Variants in MYH7 observed in about 807,000 individuals in gnomAD.
MYH7 encodes the protein myosin heavy chain 7.
In MYH7, 129 loss-of-function variants were observed where a neutral mutation model predicts 225.4. That is an observed-to-expected ratio of 0.57 (90% confidence interval 0.50 to 0.66). The LOEUF (loss-of-function observed/expected upper bound fraction) is 0.66. Among genes scored for constraint, MYH7 ranks in the 30% least tolerant of loss-of-function variants. The pLI is 0.00. For missense variants in MYH7, 1,649 were observed against 2,517.0 expected, an observed-to-expected ratio of 0.66 and a Z score of 7.38; for synonymous variants, 971 against 1,007.6, an observed-to-expected ratio of 0.96 and a Z score of 0.69.
Position 23,425,189 on chromosome 14 carries a change from G to A in MYH7, c.2423+93C>T. On this transcript the variant is annotated intron_variant, in intron 21 of 39. Transcript: ENST00000355349. This position sits in a 1 kb window ranked among gnomAD's most constrained non-coding sequence, Gnocchi z 4.6. ...ATGAGCCCCTCCTGCAGGTCTCTGTGTTTGAAGATCTGCTGAGCTTTTTTT... is the reference window on the plus strand; with the variant it reads ...ATGAGCCCCTCCTGCAGGTCTCTGTATTTGAAGATCTGCTGAGCTTTTTTT... The A allele has an allele frequency of 6.2e-7, 1 of 1,607,134 alleles. No homozygotes were observed. The highest frequency in any genetic ancestry group is 8.5e-7 in the Non-Finnish European group (1 of 1,174,650).
intron 9 of MYH7, 21 bp from the exon 10 acceptor site, chr14:23,431,020 G>C: frequency 6.4e-7 from 1 of 1,559,994 alleles, no homozygotes; most frequent in Non-Finnish European, 8.8e-7. Context: ...GTGGGGAGAA[G>C]AAGGAGAGAA....
At chr14:23,428,041 G>A (rs529018543) in intron 15 of MYH7, 147 bp from the exon 16 acceptor site, 23 of 1,057,984 alleles carry the variant, frequency 2.2e-5, no homozygotes, top group Non-Finnish European at 3.0e-5. Flanking sequence ...TCTACTGACT[G>A]GAACCGGTTC....
chr14:23,426,953 G>C, intron 17 of MYH7, 89 bp from the exon 18 acceptor site: 71 of 1,161,688 alleles, frequency 6.1e-5, no homozygotes, highest in Non-Finnish European at 8.0e-5. Context: ...GGAAAAGAGA[G>C]ATGGAGAGAA....
At chr14:23,416,615 T>G (rs1892223468) in intron 33 of MYH7, among the ~76,000 whole-genome samples, 1 of 151,438 alleles carries the variant, frequency 6.6e-6, no homozygotes, top group Non-Finnish European at 1.5e-5. Context: ...GAGGCAGAGG[T>G]GGGAACCGGG....
chr14:23,421,102 G>A lies in MYH7; in HGVS notation c.3246-54C>T. 4 of 1,312,298 alleles carry A rather than the reference G, an allele frequency of 3.0e-6. No homozygotes were observed. The East Asian group carries it at 9.2e-5, about 30-fold the overall frequency. The allele number at this position is 1,312,298 out of a possible 1,614,324, so 81.3% of individuals were successfully genotyped here. The stretch of plus-strand genomic sequence containing the variant: ...GGGAGACTCGTGGGGCCTCAGGAGG[G>A]TCCACCAGTGGTTGAAAATGGTAAT... On this transcript the variant is annotated intron_variant, in intron 25 of 39. Coordinates refer to ENST00000355349, the MANE Select transcript of MYH7 (RefSeq NM_000257.4).
intron 33 of MYH7, 78 bp from the exon 34 acceptor site, chr14:23,416,390 G>C (rs1425320366): frequency 6.8e-7 from 1 of 1,477,254 alleles, no homozygotes; most frequent in Non-Finnish European, 9.2e-7. Context: ...CACTAATCAT[G>C]GATACGAAGT....
In MYH7 at chr14:23,423,482, CACACAG is replaced by C. The variant is rs769300611; in HGVS notation, c.3099+59_3099+64del. The C allele has an allele frequency of 3.7e-5, 55 of 1,479,122 alleles. No individual in the cohort carries two copies. The Middle Eastern group carries it at 5.2e-4, about 14-fold the overall frequency. 91.6% of individuals were successfully genotyped at this position (1,479,122 alleles called of 1,614,324 possible). A position where few individuals can be genotyped will look rare whatever the true frequency, so the allele number is the denominator to read the frequency against. On this transcript the variant is annotated intron_variant, in intron 24 of 39. Transcript: ENST00000355349. ...ACACACACACACACACACACACACA[CACACAG>C]AGCTCTGGGCACAGATAGACATGGC...
At chr14:23,427,993 G>C in intron 15 of MYH7, 99 bp from the exon 16 acceptor site, 1 of 1,467,324 alleles carries the variant, frequency 6.8e-7, no homozygotes, top group Non-Finnish European at 9.4e-7. Flanking sequence ...GTGCCATGTT[G>C]GGTGTTAAGG....
At chr14:23,419,413 C>T (rs1372814670) in intron 28 of MYH7, 70 bp downstream of exon 28, 44 of 1,611,606 alleles carry the variant, frequency 2.7e-5, no homozygotes, top group East Asian at 6.7e-5. Context: ...GGCTTGTGCC[C>T]GAGGCTGGAG....
chr14:23,423,522 G>A (rs1455746264), intron 24 of MYH7, 25 bp downstream of exon 24: 2 of 1,595,588 alleles, frequency 1.3e-6, no homozygotes, highest in Non-Finnish European at 1.7e-6. Flanking sequence ...GCATATCTAG[G>A]CCCCACAACT....
chr14:23,430,472 T>C (rs569702453), intron 11 of MYH7, 88 bp downstream of exon 11: 3 of 1,055,688 alleles, frequency 2.8e-6, no homozygotes, highest in Admixed American at 3.9e-5. Context: ...AAACAACCAA[T>C]GGCCAGCGTC....
chr14:23,415,895 C>G lies in MYH7; in HGVS notation c.4954-63G>C. On this transcript the variant is annotated intron_variant, in intron 34 of 39. Coordinates refer to ENST00000355349, the MANE Select transcript of MYH7 (RefSeq NM_000257.4). The surrounding 1 kb of genome is among the most constrained non-coding windows in gnomAD (Gnocchi z 6.3). ...CCTCGGTTCCCTTCACTAAAGGCAC[C>G]TGTCAGAGGTCCCTGCAGTAACCTA... The G allele has an allele frequency of 6.2e-7, 1 of 1,613,400 alleles. No individual in the cohort carries two copies. The highest frequency in any genetic ancestry group is 1.1e-5 in the South Asian group (1 of 91,008).
chr14:23,427,526 G>A (rs1892739877), intron 16 of MYH7, 59 bp downstream of exon 16: 2 of 1,596,046 alleles, frequency 1.3e-6, no homozygotes, highest in Non-Finnish European at 1.7e-6. Context: ...AATTGACCTG[G>A]CTCAGAACCT....
At position 23,428,632 on chromosome 14, in the gene MYH7, G is replaced by A. The variant is rs775745470; in HGVS notation, c.1446C>T (p.Asn482=). Reference sequence around the variant, plus strand: ...GGTTGAAGAACTGCTGCAGCTTCTCGTTGGTGAAGTTGATGCAGAGCTGCT... The same window carrying A: ...GGTTGAAGAACTGCTGCAGCTTCTCATTGGTGAAGTTGATGCAGAGCTGCT... ...SFEQLCINFT[N]EKLQQFFNHH... Residue 482 remains asparagine (N), a synonymous_variant, in exon 15 of 40, where the codon AAC becomes AAT. Coordinates refer to ENST00000355349, the MANE Select transcript of MYH7 (RefSeq NM_000257.4). The A allele has an allele frequency of 1.1e-5, 18 of 1,614,022 alleles. No homozygotes were observed. The highest frequency in any genetic ancestry group is 1.6e-4 in the Middle Eastern group (1 of 6,080).
In MYH7 at chr14:23,423,486, C is replaced by CACAGAG. The variant is rs1933485128; in HGVS notation, c.3099+60_3099+61insCTCTGT. 3 of 1,443,694 alleles carry CACAGAG rather than the reference C, an allele frequency of 2.1e-6. No individual in the cohort carries two copies. The East Asian group carries it at 7.3e-5, about 35-fold the overall frequency. 89.4% of individuals were successfully genotyped at this position (1,443,694 alleles called of 1,614,324 possible). On this transcript the variant is annotated intron_variant, in intron 24 of 39. Transcript: ENST00000355349. ...ACACACACACACACACACACACACACAGAGCTCTGGGCACAGATAGACATG... is the reference window on the plus strand; with the variant it reads ...ACACACACACACACACACACACACACACAGAGAGAGCTCTGGGCACAGATAGACATG...
intron 30 of MYH7, 56 bp from the exon 31 acceptor site, chr14:23,417,742 A>G (rs1311221005): frequency 1.9e-6 from 3 of 1,595,664 alleles, no homozygotes; most frequent in Admixed American, 3.4e-5. Flanking sequence ...GATGGGGACA[A>G]GAGGAAACAA....
At position 23,418,338 on chromosome 14, in the gene MYH7, G is replaced by T; in HGVS notation, c.4041C>A (p.Tyr1347Ter). 6.2e-7 allele frequency: 1 copy of T among 1,613,948 alleles called. No individual in the cohort carries two copies. The highest frequency in any genetic ancestry group is 8.5e-7 in the Non-Finnish European group (1 of 1,180,030). Residue 1347 changes from tyrosine to a stop codon, truncating the protein, a stop_gained, in exon 30 of 40, where the codon TAC becomes TAA. Transcript: ENST00000355349. LOFTEE classifies it high-confidence loss of function. ...RHDCDLLREQ[Y>*]EEETEAKAEL... ...CGGCCTTGGCCTCCGTCTCCTCCTCGTACTGCTCCCGCAGCAGGTCGCAGT... is the reference window on the plus strand; with the variant it reads ...CGGCCTTGGCCTCCGTCTCCTCCTCTTACTGCTCCCGCAGCAGGTCGCAGT...
intron 37 of MYH7, among the ~76,000 whole-genome samples, chr14:23,414,630 G>GA (rs751326576): frequency 6.3e-4 from 96 of 152,322 alleles, no homozygotes; most frequent in Admixed American, 5.9e-4. Context: ...CCTGGGCAAT[G>GA]AAAAAGTTTT....
intron 24 of MYH7, 139 bp from the exon 25 acceptor site, chr14:23,422,464 A>G: frequency 1.8e-6 from 2 of 1,116,630 alleles, no homozygotes; most frequent in Non-Finnish European, 2.6e-6. Flanking sequence ...AAATGTTATT[A>G]GGGGACTGTG....
Sources: gnomAD v4.1 joint callset for allele counts (sites outside exome capture counted in the v4.1 genomes callset) on GRCh38, gnomAD v4.1.1 for gene constraint, Gnocchi (gnomAD v3.1) non-coding constraint, MANE v1.5 for transcripts, NCBI Gene and HGNC (gene_info 2026-07-23, HGNC 2026-07-21) for gene names.